MMD2: variants seen among roughly 807,000 people sequenced by gnomAD.
MMD2 encodes the protein monocyte to macrophage differentiation associated 2, also known as monocyte to macrophage differentiation factor 2.
In MMD2, 30 loss-of-function variants were observed where a neutral mutation model predicts 33.5. The ratio of observed to expected loss-of-function variants is 0.90; its 90% confidence interval spans 0.67 to 1.22. The LOEUF (loss-of-function observed/expected upper bound fraction) is 1.22, where lower values mean the gene tolerates loss of function less well. Among genes scored for constraint, MMD2 ranks in the 50% most tolerant of loss-of-function variants. The pLI is 0.00. For synonymous variants in MMD2, 129 were observed against 123.0 expected (o/e 1.05, Z -0.32); for missense variants, 364 against 325.4 (o/e 1.12, Z -0.91).
intron 6 of MMD2, 197 bp downstream of exon 6, chr7:4,909,684 C>G (rs747851958): frequency 2.6e-6 from 2 of 772,366 alleles, no homozygotes; most frequent in Admixed American, 2.0e-5. Context: ...TATCCTCCCA[C>G]CTCAGCCTCC....
chr7:4,897,967 G>A, the MMD2 span, among the ~76,000 whole-genome samples: 1 of 151,980 alleles, frequency 6.6e-6, no homozygotes, highest in Non-Finnish European at 1.5e-5. Flanking sequence ...CAAACTCCTG[G>A]CCTCAAGTGA....
intron 1 of MMD2, among the ~76,000 whole-genome samples, chr7:4,942,387 A>G (rs1049898198): frequency 3.3e-5 from 5 of 151,122 alleles, no homozygotes; most frequent in Non-Finnish European, 5.9e-5. Flanking sequence ...GGTGTGAGCC[A>G]CCTGGCCCTG....
intron 1 of MMD2, among the ~76,000 whole-genome samples, chr7:4,936,153 C>A (rs1237109522): frequency 6.7e-6 from 1 of 148,548 alleles, no homozygotes; most frequent in East Asian, 2.0e-4. Context: ...CCACTGCACT[C>A]CAGTCTGGGT....
At chr7:4,902,262 T>A (rs555893586), downstream of MMD2, among the ~76,000 whole-genome samples, 5 of 152,130 alleles carry the variant, frequency 3.3e-5, no homozygotes, top group African/African-American at 4.8e-5. Context: ...AAAAAAAATA[T>A]TCTTTAATTT....
At chr7:4,931,450 G>A (rs753895991) in intron 1 of MMD2, among the ~76,000 whole-genome samples, 15 of 151,340 alleles carry the variant, frequency 9.9e-5, no homozygotes, top group Non-Finnish European at 1.9e-4. Flanking sequence ...ACTGCGCCTG[G>A]CCTCTTTACC....
intron 1 of MMD2, 28 bp downstream of exon 1, chr7:4,958,943 C>CCCGCGGACCT: frequency 1.5e-6 from 2 of 1,291,578 alleles, no homozygotes; most frequent in Non-Finnish European, 2.0e-6. Flanking sequence ...TCCCTCCCTC[C>CCCGCGGACCT]CCGCGGACCT....
rs1784882578 is a variant in MMD2 at position 4,907,104 on chromosome 7, G to C, written c.*292C>G. ...GGCCCGTCATTCCCCAATTTTCCAGGACCATGCCTGCTTCCTTTTCTGAAG... is the reference window on the plus strand; with the variant it reads ...GGCCCGTCATTCCCCAATTTTCCAGCACCATGCCTGCTTCCTTTTCTGAAG... On this transcript the variant is annotated 3_prime_UTR_variant, in exon 7 of 7. Transcript: ENST00000401401. The C allele has an allele frequency of 2.6e-6, 1 of 386,766 alleles. No individual in the cohort carries two copies. The highest frequency in any genetic ancestry group is 2.0e-5 in the African/African-American group (1 of 48,792). 24.0% of individuals were successfully genotyped at this position (386,766 alleles called of 1,614,324 possible). A position where few individuals can be genotyped will look rare whatever the true frequency, so the allele number is the denominator to read the frequency against.
intron 1 of MMD2, among the ~76,000 whole-genome samples, chr7:4,957,353 A>AG (rs1276841145): frequency 6.6e-6 from 1 of 151,370 alleles, no homozygotes; most frequent in East Asian, 2.0e-4. Context: ...CCTGTCTCAA[A>AG]GAAAAAAAAC....
At chr7:4,918,026 G>A (rs1294970541) in intron 3 of MMD2, among the ~76,000 whole-genome samples, 1 of 152,190 alleles carries the variant, frequency 6.6e-6, no homozygotes, top group South Asian at 2.1e-4. Flanking sequence ...CCATGTGGCT[G>A]TGAAGACAGC....
At chr7:4,945,614 G>A (rs1786053762) in intron 1 of MMD2, among the ~76,000 whole-genome samples, 2 of 146,620 alleles carry the variant, frequency 1.4e-5, no homozygotes, top group South Asian at 2.2e-4. Context: ...TCACTCTGCC[G>A]CCCAGGCTGG....
intron 2 of MMD2, among the ~76,000 whole-genome samples, chr7:4,924,148 C>A (rs546363966): frequency 2.0e-5 from 3 of 152,110 alleles, no homozygotes; most frequent in Non-Finnish European, 2.9e-5. Context: ...GCCGAGATCG[C>A]ACCACTGCAC....
At chr7:4,913,080 A>G (rs2115092803) in intron 4 of MMD2, among the ~76,000 whole-genome samples, 1 of 152,322 alleles carries the variant, frequency 6.6e-6, no homozygotes, top group African/African-American at 2.4e-5. Flanking sequence ...GTCTGTCATT[A>G]TAAAGAATTT....
At chr7:4,932,589 G>A (rs1785619547) in intron 1 of MMD2, among the ~76,000 whole-genome samples, 1 of 150,280 alleles carries the variant, frequency 6.7e-6, no homozygotes, top group Non-Finnish European at 1.5e-5. Context: ...TGCCAGCCGG[G>A]CAGCTAAGGC....
chr7:4,899,434 G>T, the MMD2 span, among the ~76,000 whole-genome samples: 1 of 151,870 alleles, frequency 6.6e-6, no homozygotes, highest in South Asian at 2.1e-4. Context: ...TGTCGCCCAG[G>T]CTGGAGTGCA....
chr7:4,933,353 T>C (rs1416443614), intron 1 of MMD2, among the ~76,000 whole-genome samples: 1 of 152,268 alleles, frequency 6.6e-6, no homozygotes, highest in East Asian at 1.9e-4. Flanking sequence ...GAGAGCATGA[T>C]TGTCTCAAAA....
intron 1 of MMD2, among the ~76,000 whole-genome samples, chr7:4,943,352 C>T (rs1216010959): frequency 2.6e-5 from 4 of 151,916 alleles, no homozygotes; most frequent in South Asian, 2.1e-4. Flanking sequence ...ACCATGTTGA[C>T]GAGGATGATC....
In MMD2 at chr7:4,948,478, G is replaced by A. The variant is rs187697470; in HGVS notation, c.47+10493C>T. Among the ~76,000 whole-genome samples the A allele has an allele frequency of 2.8e-3, 423 of 151,576 alleles. 1 individual carries two copies. Among genetic ancestry groups the A allele is most frequent in the Admixed American group, 4.0e-3 (61 of 15,220 alleles). ...GCAGAGGTTGCAGTGAGCCAAGATC[G>A]CGCCACTGCACTCCAGACTGAATGA... On this transcript the variant is annotated intron_variant, in intron 1 of 6. Coordinates refer to ENST00000401401, the MANE Select transcript of MMD2 (RefSeq NM_198403.4).
intron 1 of MMD2, among the ~76,000 whole-genome samples, chr7:4,957,030 G>A (rs1583407328): frequency 2.0e-5 from 3 of 152,114 alleles, no homozygotes; most frequent in Admixed American, 2.0e-4. Flanking sequence ...GCCAGGCTTG[G>A]TGGCAGGCGC....
In MMD2 at chr7:4,909,947, G is replaced by T. The variant is rs771413791; in HGVS notation, c.471C>A (p.Tyr157Ter). Residue 157 changes from tyrosine to a stop codon, truncating the protein, a stop_gained, in exon 6 of 7, where the codon TAC becomes TAA. Coordinates refer to ENST00000401401, the MANE Select transcript of MMD2 (RefSeq NM_198403.4). LOFTEE classifies it high-confidence loss of function. ...TIYVFFFHER[Y>*]KLVELLCYVV... Reference sequence around the variant, plus strand: ...CGTAGCAGAGAAGCTCCACAAGCTTGTACCTGGCAGGAAGACAAGCCGTGC... The same window carrying T: ...CGTAGCAGAGAAGCTCCACAAGCTTTTACCTGGCAGGAAGACAAGCCGTGC... The T allele has an allele frequency of 1.2e-6, 2 of 1,613,976 alleles. No homozygotes were observed. The highest frequency in any genetic ancestry group is 1.1e-5 in the South Asian group (1 of 91,088).
Sources: gnomAD v4.1 joint callset for allele counts (sites outside exome capture counted in the v4.1 genomes callset) on GRCh38, gnomAD v4.1.1 for gene constraint, MANE v1.5 for transcripts, NCBI Gene and HGNC (gene_info 2026-07-23, HGNC 2026-07-21) for gene names.